Variants in MMP2 observed in about 807,000 individuals in gnomAD.
MMP2 encodes the protein 72 kDa type IV collagenase.
A neutral mutation model predicts 74.8 loss-of-function variants in MMP2; 39 were observed. That is an observed-to-expected ratio of 0.52 (90% CI 0.40 to 0.68). The LOEUF (loss-of-function observed/expected upper bound fraction) is 0.68, where lower values mean the gene tolerates loss of function less well. MMP2 is among the 30% of genes least tolerant of loss of function. The probability of loss-of-function intolerance (pLI) is 0.00; values close to 1 mark genes in which losing one functional copy is unlikely to be tolerated. For missense variants in MMP2, 803 were observed against 878.3 expected (o/e 0.91, Z 1.08); for synonymous variants, 367 against 339.8 (o/e 1.08, Z -0.88).
chr16:55,489,221 C>T (rs901543436), intron 6 of MMP2, among the ~76,000 whole-genome samples: 1 of 152,240 alleles, frequency 6.6e-6, no homozygotes, highest in Admixed American at 6.5e-5. Flanking sequence ...CTTTGTGCAG[C>T]ATACACAGAG....
intron 1 of MMP2, among the ~76,000 whole-genome samples, chr16:55,481,306 T>C (rs1255950918): frequency 6.6e-6 from 1 of 152,184 alleles, no homozygotes; most frequent in Non-Finnish European, 1.5e-5. Context: ...AACTTCTCAA[T>C]GTTGCTATGG....
At chr16:55,502,440 A>G (rs1962689454) in intron 11 of MMP2, among the ~76,000 whole-genome samples, 1 of 152,200 alleles carries the variant, frequency 6.6e-6, no homozygotes, top group African/African-American at 2.4e-5. Flanking sequence ...ACTAAATTAG[A>G]CACAACCCCA....
At chr16:55,488,496 T>C (rs1278932163) in intron 5 of MMP2, 47 bp from the exon 6 acceptor site, 8 of 1,590,350 alleles carry the variant, frequency 5.0e-6, no homozygotes, top group African/African-American at 1.3e-5. Flanking sequence ...CCTGTGCCCA[T>C]GGAAGCATGT....
rs754301713 is a variant in MMP2 at position 55,481,890 on chromosome 16, A to G, written c.154-1019A>G. 1.2e-5 allele frequency: 9 copies of G among 747,840 alleles called. No homozygotes were observed. In the East Asian group the frequency reaches 2.0e-4, roughly 16 times the overall value. 46.3% of individuals were successfully genotyped at this position (747,840 alleles called of 1,614,324 possible). ...TTACCTAGCACATGGTAAGTACTCA[A>G]TAAGCACTAGCCATTATTCTATTAT... is the stretch of plus-strand genomic sequence containing the variant. On this transcript the variant is annotated intron_variant, in intron 1 of 12. Coordinates refer to ENST00000219070, the MANE Select transcript of MMP2 (RefSeq NM_004530.6).
chr16:55,482,646 C>A (rs1962133008), intron 1 of MMP2, among the ~76,000 whole-genome samples: 1 of 152,210 alleles, frequency 6.6e-6, no homozygotes, highest in African/African-American at 2.4e-5. Flanking sequence ...CATATTCTGA[C>A]TTTAGTGCCT....
At chr16:55,500,227 GCACGCA>G (rs565978911) in intron 11 of MMP2, among the ~76,000 whole-genome samples, 1 of 151,930 alleles carries the variant, frequency 6.6e-6, no homozygotes, top group African/African-American at 2.4e-5. Context: ...CAGACAGTGT[GCACGCA>G]CACGCACACA....
chr16:55,490,164 C>T lies in MMP2; in HGVS notation c.1180+340C>T, dbSNP rs1325543087. 3.3e-5 allele frequency among the ~76,000 whole-genome samples: 5 copies of T among 152,306 alleles called. No individual in the cohort carries two copies. In the East Asian group the frequency reaches 5.8e-4, roughly 18 times the overall value. On this transcript the variant is annotated intron_variant, in intron 7 of 12. Coordinates refer to ENST00000219070, the MANE Select transcript of MMP2 (RefSeq NM_004530.6). ...CACCCTCCAGGCGGGCTTGTGACTA[C>T]CAAAATTGGCTGAATTCTGAGCACA...
At position 55,484,103 on chromosome 16, in the gene MMP2, A is replaced by T. The variant is rs1962177768; in HGVS notation, c.468A>T (p.Pro156=). The part of the protein sequence containing the change: ...RAFQVWSDVT[P]LRFSRIHDGE... ...TCCAAGTCTGGAGCGATGTGACCCC[A>T]CTGCGGTTTTCTCGAATCCATGATG... is the stretch of plus-strand genomic sequence containing the variant. Residue 156 remains proline (P), a synonymous_variant, in exon 3 of 13, where the codon CCA becomes CCT. Coordinates refer to ENST00000219070, the MANE Select transcript of MMP2 (RefSeq NM_004530.6). 1 of 1,614,098 alleles carries T rather than the reference A, an allele frequency of 6.2e-7. No individual in the cohort carries two copies. Among genetic ancestry groups the T allele is most frequent in the Non-Finnish European group, 8.5e-7 (1 of 1,180,016 alleles).
chr16:55,496,938 G>A lies in MMP2; in HGVS notation c.1485G>A (p.Arg495=). The A allele has an allele frequency of 6.2e-7, 1 of 1,614,054 alleles. No homozygotes were observed. The highest frequency in any genetic ancestry group is 8.5e-7 in the Non-Finnish European group (1 of 1,180,042). Reference sequence around the variant, plus strand: ...TGCCTCCTGCCAGGTTCATTTGGCGGACTGTGACGCCACGTGACAAGCCCA... The same window carrying A: ...TGCCTCCTGCCAGGTTCATTTGGCGAACTGTGACGCCACGTGACAAGCCCA... The part of the protein sequence containing the change: ...IFFFKDRFIW[R]TVTPRDKPMG... The change falls in exon 10 of 13, where the codon CGG becomes CGA. Residue 495 remains arginine, a synonymous_variant. Transcript: ENST00000219070.
At chr16:55,483,939 GT>G in intron 2 of MMP2, 76 bp from the exon 3 acceptor site, 1 of 1,513,900 alleles carries the variant, frequency 6.6e-7, no homozygotes, top group South Asian at 1.1e-5. Flanking sequence ...TCATACATCT[GT>G]GCACACACAC....
chr16:55,479,671 C>T, intron 1 of MMP2, 39 bp downstream of exon 1: 1 of 1,613,092 alleles, frequency 6.2e-7, no homozygotes, highest in Non-Finnish European at 8.5e-7. Context: ...CACGTTTAGA[C>T]AAACTTCGGA....
Position 55,479,229 on chromosome 16 carries a change from G to C in MMP2, c.-251G>C, listed in dbSNP as rs1962032270. 1.8e-5 allele frequency: 5 copies of C among 284,874 alleles called. No individual in the cohort carries two copies. The allele number at this position is 284,874 out of a possible 1,614,324, so 17.6% of individuals were successfully genotyped here. On this transcript the variant is annotated 5_prime_UTR_variant, in exon 1 of 13. Transcript: ENST00000219070. ...TCCAGACTTCCTCAGGCGGTGGCTG[G>C]AGGCTGCGCATCTGGGGCTTTAAAC...
intron 11 of MMP2, among the ~76,000 whole-genome samples, chr16:55,500,494 TACACACACACACACACACACAC>T (rs55996787): frequency 7.3e-6 from 1 of 136,194 alleles, no homozygotes; most frequent in African/African-American, 2.9e-5. Context: ...CATGTGCGCA[TACACACACACACACACACACAC>T]ACACACACAC....
At chr16:55,488,452 C>G (rs1160422006) in intron 5 of MMP2, 91 bp from the exon 6 acceptor site, 83 of 1,257,376 alleles carry the variant, frequency 6.6e-5, no homozygotes, top group Non-Finnish European at 9.2e-5. Context: ...ATCAACTTCA[C>G]TGGTGTGAAC....
Position 55,506,080 on chromosome 16 carries a change from C to T in MMP2, c.*638C>T, listed in dbSNP as rs1962794040. 6.5e-6 allele frequency: 1 copy of T among 153,554 alleles called. No homozygotes were observed. The highest frequency in any genetic ancestry group is 1.4e-5 in the Non-Finnish European group (1 of 69,088). The allele number at this position is 153,554 out of a possible 1,614,324, so 9.5% of individuals were successfully genotyped here. ...CATCTCAGCCCACATAGTGATGGTT[C>T]CCCTGTTCACTCTACTTAGCATGTC... On this transcript the variant is annotated 3_prime_UTR_variant, in exon 13 of 13. Transcript: ENST00000219070.
intron 12 of MMP2, among the ~76,000 whole-genome samples, chr16:55,504,960 G>GT (rs34621950): frequency 5.1e-4 from 77 of 150,052 alleles, no homozygotes; most frequent in Middle Eastern, 3.5e-3. Flanking sequence ...CCACAGTTGA[G>GT]TTTTTTTTTT....
At chr16:55,486,346 CCTGTGTGTGTGT>C (rs1402768615) in intron 5 of MMP2, among the ~76,000 whole-genome samples, 15 of 43,788 alleles carry the variant, frequency 3.4e-4, no homozygotes, top group East Asian at 3.3e-3. Context: ...TGTGTGTGTG[CCTGTGTGTGTGT>C]GTGTGTGTGT....
At chr16:55,496,855 G>T (rs1962539454) in intron 9 of MMP2, 71 bp from the exon 10 acceptor site, 18 of 1,598,588 alleles carry the variant, frequency 1.1e-5, no homozygotes, top group South Asian at 2.2e-5. Context: ...GGGTGGGTTT[G>T]GGGGTGTGTG....
At chr16:55,497,345 A>AT (rs1168285470) in intron 10 of MMP2, among the ~76,000 whole-genome samples, 1 of 151,286 alleles carries the variant, frequency 6.6e-6, no homozygotes. Flanking sequence ...TAGAAGAAAA[A>AT]AAGTCTCAGT....
Sources: gnomAD v4.1 joint callset for allele counts (sites outside exome capture counted in the v4.1 genomes callset) on GRCh38, gnomAD v4.1.1 for gene constraint, MANE v1.5 for transcripts, NCBI Gene and HGNC (gene_info 2026-07-23, HGNC 2026-07-21) for gene names.